The following HECW1 variants were observed in gnomAD, a reference collection of about 807,000 sequenced individuals.
HECW1 encodes HECT, C2 and WW domain containing E3 ubiquitin protein ligase 1.
In HECW1, 61 loss-of-function variants were observed where a neutral mutation model predicts 182.3. That is an observed-to-expected ratio of 0.33 (90% CI 0.27 to 0.41). The LOEUF is 0.41. Ranked by LOEUF, HECW1 falls within the 10% of genes least tolerant of loss-of-function variation. The pLI, the probability that HECW1 is intolerant of heterozygous loss-of-function variation, is 1.00. For synonymous variants in HECW1, 859 were observed against 832.6 expected (o/e 1.03, Z -0.55); for missense variants, 1,739 against 2,108.9 (o/e 0.82, Z 3.44).
At chr7:43,561,340 CT>C (rs975831182) in intron 29 of HECW1, among the ~76,000 whole-genome samples, 5 of 152,202 alleles carry the variant, frequency 3.3e-5, no homozygotes, top group African/African-American at 1.2e-4. Flanking sequence ...CCAGAGCACA[CT>C]TGACTTGAAT....
chr7:43,314,236 A>G (rs1272591624), intron 4 of HECW1, among the ~76,000 whole-genome samples: 2 of 152,176 alleles, frequency 1.3e-5, no homozygotes, highest in East Asian at 3.8e-4. Flanking sequence ...TGAGCTCAAG[A>G]TGGAATTACT....
intron 3 of HECW1, among the ~76,000 whole-genome samples, chr7:43,272,448 A>C (rs925848345): frequency 6.6e-6 from 1 of 152,200 alleles, no homozygotes; most frequent in African/African-American, 2.4e-5. Context: ...CAAAAGTCTA[A>C]TATCTAAAAT....
At chr7:43,119,930 T>C (rs192867318) in intron 2 of HECW1, among the ~76,000 whole-genome samples, 1 of 152,350 alleles carries the variant, frequency 6.6e-6, no homozygotes, top group East Asian at 1.9e-4. Flanking sequence ...CTGCAGTCTG[T>C]TCCCTATACA....
At chr7:43,454,781 A>G (rs1183218384) in intron 12 of HECW1, among the ~76,000 whole-genome samples, 1 of 152,246 alleles carries the variant, frequency 6.6e-6, no homozygotes, top group African/African-American at 2.4e-5. Flanking sequence ...TACCTGAATG[A>G]TAAGTTTTCA....
At chr7:43,323,311 A>G (rs944120435) in intron 5 of HECW1, among the ~76,000 whole-genome samples, 1 of 152,206 alleles carries the variant, frequency 6.6e-6, no homozygotes, top group African/African-American at 2.4e-5. Context: ...GAAATACATT[A>G]TAGGCCGGGC....
intron 5 of HECW1, among the ~76,000 whole-genome samples, chr7:43,330,107 G>A (rs1811285034): frequency 6.6e-6 from 1 of 152,180 alleles, no homozygotes; most frequent in African/African-American, 2.4e-5. Context: ...CTCCTATTGA[G>A]AGGCGGGGTC....
intron 5 of HECW1, among the ~76,000 whole-genome samples, chr7:43,336,014 CTCTTTCTTTCTTTT>C (rs1812126674): frequency 8.0e-6 from 1 of 125,556 alleles, no homozygotes; most frequent in Non-Finnish European, 1.9e-5. Flanking sequence ...CTTTCTCTTT[CTCTTTCTTTCTTTT>C]TCTTTCTTTC....
intron 3 of HECW1, among the ~76,000 whole-genome samples, chr7:43,303,300 G>T (rs992278450): frequency 6.6e-6 from 1 of 152,012 alleles, no homozygotes; most frequent in African/African-American, 2.4e-5. Flanking sequence ...GAGTGAGAAT[G>T]GTGTGCGAGC....
intron 6 of HECW1, among the ~76,000 whole-genome samples, chr7:43,376,387 T>A (rs1342997032): frequency 6.6e-6 from 1 of 152,138 alleles, no homozygotes; most frequent in Non-Finnish European, 1.5e-5. Context: ...CAAGTCTCCC[T>A]GGGATGGGGG....
chr7:43,423,728 A>G (rs1584859349), intron 8 of HECW1, among the ~76,000 whole-genome samples: 1 of 152,236 alleles, frequency 6.6e-6, no homozygotes, highest in Non-Finnish European at 1.5e-5. Flanking sequence ...ACTCTTCCCA[A>G]CTCCACATTT....
At chr7:43,404,576 T>C (rs2152842936) in intron 7 of HECW1, among the ~76,000 whole-genome samples, 1 of 152,316 alleles carries the variant, frequency 6.6e-6, no homozygotes, top group African/African-American at 2.4e-5. Context: ...GACAAGTTGT[T>C]TGATAGAACA....
intron 5 of HECW1, among the ~76,000 whole-genome samples, chr7:43,332,169 A>C (rs1811580834): frequency 6.6e-6 from 1 of 152,038 alleles, no homozygotes; most frequent in African/African-American, 2.4e-5. Context: ...ATCTACACAG[A>C]TGTGGTACAG....
At chr7:43,457,697 C>T (rs1001913558) in intron 13 of HECW1, among the ~76,000 whole-genome samples, 2 of 151,886 alleles carry the variant, frequency 1.3e-5, no homozygotes, top group Non-Finnish European at 2.9e-5. Context: ...ATCGCTTGAA[C>T]CCGGGAGGCA....
intron 3 of HECW1, among the ~76,000 whole-genome samples, chr7:43,280,047 G>A (rs898620223): frequency 6.6e-6 from 1 of 152,170 alleles, no homozygotes; most frequent in African/African-American, 2.4e-5. Flanking sequence ...TGGGATTGGG[G>A]TGGTCTCAGC....
intron 14 of HECW1, among the ~76,000 whole-genome samples, chr7:43,466,106 G>T (rs2077767167): frequency 7.3e-6 from 1 of 136,376 alleles, no homozygotes; most frequent in Admixed American, 8.0e-5. Context: ...AAGAAGGAAA[G>T]AAAGATGAAA....
intron 17 of HECW1, among the ~76,000 whole-genome samples, chr7:43,487,964 A>AAGAGAGAG (rs142459103): frequency 7.1e-4 from 105 of 147,318 alleles, no homozygotes; most frequent in South Asian, 1.1e-3. Flanking sequence ...AAAAAAAAGG[A>AAGAGAGAG]AGAGAGAGAG....
chr7:43,534,083 T>C (rs148181476), intron 24 of HECW1, among the ~76,000 whole-genome samples: 3,212 of 152,328 alleles, frequency 0.021, 46 homozygotes, highest in Non-Finnish European at 0.031. Flanking sequence ...CTTGGCATAT[T>C]GCCTGGGTGC....
intron 28 of HECW1, among the ~76,000 whole-genome samples, chr7:43,554,091 T>G (rs1040146592): frequency 1.3e-5 from 2 of 152,246 alleles, no homozygotes; most frequent in East Asian, 3.9e-4. Context: ...TGAGAGCAGC[T>G]GCTCAAGGGG....
chr7:43,228,584 T>G (rs575921773), intron 2 of HECW1, among the ~76,000 whole-genome samples: 2 of 152,324 alleles, frequency 1.3e-5, no homozygotes, highest in East Asian at 3.9e-4. Context: ...AATTAGGCCC[T>G]TTTGTAAGTT....
Sources: allele counts gnomAD v4.1 joint callset (sites outside exome capture counted in the v4.1 genomes callset), GRCh38; gene constraint gnomAD v4.1.1; transcripts MANE v1.5; gene names NCBI Gene and HGNC (gene_info 2026-07-23, HGNC 2026-07-21).